The following NOVA2 variants were observed in gnomAD, a reference collection of about 807,000 sequenced individuals.
NOVA2 encodes the protein NOVA alternative splicing regulator 2, also known as RNA-binding protein Nova-2.
In NOVA2, 9 loss-of-function variants were observed where a neutral mutation model predicts 22.5. That is an observed-to-expected ratio of 0.40 (90% CI 0.24 to 0.70). The LOEUF is 0.70. NOVA2 is among the 30% of genes least tolerant of loss of function. NOVA2 has a pLI of 0.38. For missense variants in NOVA2, 383 were observed against 682.8 expected (o/e 0.56, Z 4.89); for synonymous variants, 318 against 335.2 (o/e 0.95, Z 0.56).
chr19:45,970,360 T>C (rs1259632423), intron 1 of NOVA2, among the ~76,000 whole-genome samples: 3 of 143,390 alleles, frequency 2.1e-5, no homozygotes, highest in African/African-American at 7.7e-5. Context: ...TTGTTAGTAT[T>C]ATCCTTGTGT....
At chr19:45,941,404 A>G (rs1411153715) in intron 3 of NOVA2, among the ~76,000 whole-genome samples, 1 of 151,866 alleles carries the variant, frequency 6.6e-6, no homozygotes, top group Non-Finnish European at 1.5e-5. Context: ...CTTGGCCTCA[A>G]GGGATCTCCT....
intron 3 of NOVA2, among the ~76,000 whole-genome samples, chr19:45,949,274 A>G (rs1223767889): frequency 6.6e-6 from 1 of 151,748 alleles, no homozygotes; most frequent in African/African-American, 2.4e-5. Context: ...ACTTCTAAAC[A>G]GTAAAGCTTA....
At chr19:45,954,656 C>T (rs2146417374) in intron 2 of NOVA2, among the ~76,000 whole-genome samples, 1 of 151,870 alleles carries the variant, frequency 6.6e-6, no homozygotes, top group South Asian at 2.1e-4. Flanking sequence ...GACCAAGGAA[C>T]TGGGGAGGGA....
At chr19:45,967,930 A>G (rs1357575877) in intron 1 of NOVA2, 1 of 148,288 alleles carries the variant, frequency 6.7e-6, no homozygotes, top group African/African-American at 2.4e-5. Context: ...GTCACACAGC[A>G]GGGCTCCATC....
At chr19:45,966,013 G>C (rs72626216) in intron 1 of NOVA2, among the ~76,000 whole-genome samples, 3,564 of 152,308 alleles carry the variant, frequency 0.023, 118 homozygotes, top group East Asian at 0.16. Flanking sequence ...CACAGAGCAA[G>C]CACCCTATAC....
chr19:45,945,638 G>A (rs538409537), intron 3 of NOVA2, among the ~76,000 whole-genome samples: 16 of 152,156 alleles, frequency 1.1e-4, no homozygotes, highest in South Asian at 6.2e-4. Flanking sequence ...TGAGTTGTAT[G>A]TGAATTATAT....
intron 3 of NOVA2, among the ~76,000 whole-genome samples, chr19:45,951,164 T>C (rs966117509): frequency 6.6e-6 from 1 of 152,220 alleles, no homozygotes; most frequent in African/African-American, 2.4e-5. Flanking sequence ...ACATGTTTTT[T>C]TGACCTTCAT....
chr19:45,943,154 A>G (rs567200463), intron 3 of NOVA2, among the ~76,000 whole-genome samples: 1 of 151,186 alleles, frequency 6.6e-6, no homozygotes, highest in South Asian at 2.1e-4. Flanking sequence ...CCTGGGTTCA[A>G]GGGATTCTGC....
At chr19:45,963,720 C>T (rs1470195972) in intron 1 of NOVA2, among the ~76,000 whole-genome samples, 1 of 152,062 alleles carries the variant, frequency 6.6e-6, no homozygotes, top group Non-Finnish European at 1.5e-5. Context: ...TTAGTAGAGA[C>T]GGGGTTTCAC....
chr19:45,944,113 T>C (rs947751311), intron 3 of NOVA2, among the ~76,000 whole-genome samples: 12 of 152,194 alleles, frequency 7.9e-5, no homozygotes, highest in Admixed American at 6.5e-5. Context: ...TCATTATTCC[T>C]TCTATTGTGG....
chr19:45,964,348 T>TG (rs1968140153), intron 1 of NOVA2, among the ~76,000 whole-genome samples: 1 of 119,508 alleles, frequency 8.4e-6, no homozygotes, highest in African/African-American at 3.3e-5. Context: ...CCCGGCTAAT[T>TG]TGTGTGTGTG....
At chr19:45,961,186 C>T (rs757376471) in intron 1 of NOVA2, 33 bp from the exon 2 acceptor site, 70 of 1,319,534 alleles carry the variant, frequency 5.3e-5, no homozygotes, top group Middle Eastern at 2.0e-4. Flanking sequence ...GGGGAGTCAG[C>T]GGGGGAGGGG....
rs1968257825 is a variant in NOVA2 at position 45,973,246 on chromosome 19, CG to C, written c.85+20del. ...AGGCCCCCTGCCCGCTCCCCCGCCC[CG>C]AGCCGCAGCCCTTTCTCACCTCCCG... On this transcript the variant is annotated intron_variant, in intron 1 of 3. Coordinates refer to ENST00000263257, the MANE Select transcript of NOVA2 (RefSeq NM_002516.4). 1 of 1,435,484 alleles carries C rather than the reference CG, an allele frequency of 7.0e-7. No individual in the cohort carries two copies. The highest frequency in any genetic ancestry group is 1.5e-5 in the African/African-American group (1 of 67,380). 88.9% of individuals were successfully genotyped at this position (1,435,484 alleles called of 1,614,324 possible). A position where few individuals can be genotyped will look rare whatever the true frequency, so the allele number is the denominator to read the frequency against.
intron 1 of NOVA2, among the ~76,000 whole-genome samples, chr19:45,963,839 C>A (rs1968131003): frequency 6.6e-6 from 1 of 152,078 alleles, no homozygotes; most frequent in African/African-American, 2.4e-5. Context: ...CCCCCTCAGT[C>A]AATATCTTTT....
intron 2 of NOVA2, among the ~76,000 whole-genome samples, chr19:45,960,719 A>T (rs893228446): frequency 6.6e-6 from 1 of 152,016 alleles, no homozygotes; most frequent in African/African-American, 2.4e-5. Flanking sequence ...CGCTCCTCCA[A>T]CTGACCAGAG....
chr19:45,973,198 G>C (rs889851479), intron 1 of NOVA2, 69 bp downstream of exon 1: 31 of 792,436 alleles, frequency 3.9e-5, no homozygotes, highest in East Asian at 1.8e-4. Flanking sequence ...CCACGGGAGG[G>C]GGGGAAAGGA....
rs1187649147 is a variant in NOVA2, at chr19:45,937,040, C to A, written c.*2823G>T. 6.6e-6 allele frequency: 1 copy of A among 152,122 alleles called. No individual in the cohort carries two copies. Among genetic ancestry groups the A allele is most frequent in the African/African-American group, 2.4e-5 (1 of 41,390 alleles). The allele number at this position is 152,122 out of a possible 1,614,324, so 9.4% of individuals were successfully genotyped here. On this transcript the variant is annotated 3_prime_UTR_variant, in exon 4 of 4. Transcript: ENST00000263257. ...GGCAAAGATGGTGGAGTGAGTTTCC[C>A]AAGGTAAAATGGGGAAAGGTGTGGC...
intron 2 of NOVA2, among the ~76,000 whole-genome samples, chr19:45,955,799 A>G (rs1393769216): frequency 6.6e-6 from 1 of 151,950 alleles, no homozygotes; most frequent in Non-Finnish European, 1.5e-5. Context: ...CGGAGGTTGC[A>G]GTGAGCCGAG....
chr19:45,963,217 A>G (rs1298911266), intron 1 of NOVA2, among the ~76,000 whole-genome samples: 1 of 151,966 alleles, frequency 6.6e-6, no homozygotes, highest in Non-Finnish European at 1.5e-5. Context: ...CGTCTCTACT[A>G]AAAGTACAAA....
Sources: allele counts gnomAD v4.1 joint callset (sites outside exome capture counted in the v4.1 genomes callset), GRCh38; gene constraint gnomAD v4.1.1; transcripts MANE v1.5; gene names NCBI Gene and HGNC (gene_info 2026-07-23, HGNC 2026-07-21).